DENND3: variants seen among roughly 807,000 people sequenced by gnomAD.
DENND3 encodes DENN domain containing 3.
A neutral mutation model predicts 135.1 loss-of-function variants in DENND3; 88 were observed. The ratio of observed to expected loss-of-function variants is 0.65; its 90% CI spans 0.55 to 0.78. The LOEUF (loss-of-function observed/expected upper bound fraction) is 0.78. Among genes scored for constraint, DENND3 ranks in the 30% least tolerant of loss-of-function variants. DENND3 has a pLI of 0.00. For missense variants in DENND3, 1,392 were observed against 1,688.4 expected (o/e 0.82, Z 3.08); for synonymous variants, 693 against 712.3 (o/e 0.97, Z 0.43).
chr8:141,157,581 G>C, intron 8 of DENND3: 1 of 985,884 alleles, frequency 1.0e-6, no homozygotes, highest in Non-Finnish European at 1.2e-6. Flanking sequence ...CTGGATTTCA[G>C]TCAGCCATCA....
At chr8:141,129,349 G>A (rs1354770401) in intron 1 of DENND3, among the ~76,000 whole-genome samples, 1 of 152,104 alleles carries the variant, frequency 6.6e-6, no homozygotes, top group Non-Finnish European at 1.5e-5. Flanking sequence ...GTTAGCCGCC[G>A]GCCTCGCGTA....
rs745822061 is a variant in DENND3, at chr8:141,144,482, G to A, written c.735+223G>A. On this transcript the variant is annotated intron_variant, in intron 5 of 22. Coordinates refer to ENST00000519811, the MANE Select transcript of DENND3 (RefSeq NM_001352890.3). The surrounding 1 kb of genome is among the most constrained non-coding windows in gnomAD (Gnocchi z 4.4). ...AACAGAATGACTGGCCAGAATGGAAGGGAGGTCAGACACGCCTGGTTATAC... is the reference window on the plus strand; with the variant it reads ...AACAGAATGACTGGCCAGAATGGAAAGGAGGTCAGACACGCCTGGTTATAC... Among the ~76,000 whole-genome samples the A allele has an allele frequency of 5.9e-5, 9 of 152,236 alleles. No individual in the cohort carries two copies. Among genetic ancestry groups the A allele is most frequent in the Middle Eastern group, 3.4e-3 (1 of 294 alleles).
At position 141,175,468 on chromosome 8, in the gene DENND3, A is replaced by G. The variant is rs745373299; in HGVS notation, c.2535+9A>G. On this transcript the variant is annotated intron_variant, in intron 14 of 22. Coordinates refer to ENST00000519811, the MANE Select transcript of DENND3 (RefSeq NM_001352890.3). The surrounding 1 kb of genome is among the most constrained non-coding windows in gnomAD (Gnocchi z 5.4). ...CCTTCAGAAATATAGAGGTAAGGAC[A>G]GCACAGGCAGACGGCGCCAGACCCC... 5 of 1,614,186 alleles carry G rather than the reference A, an allele frequency of 3.1e-6. No individual in the cohort carries two copies. The African/African-American group carries it at 5.3e-5, about 17-fold the overall frequency.
At position 141,194,843 on chromosome 8, in the gene DENND3, C is replaced by A. The variant is rs1287360916; in HGVS notation, c.*610C>A. The A allele has an allele frequency of 3.4e-5, 5 of 148,906 alleles. No individual in the cohort carries two copies. Among genetic ancestry groups the A allele is most frequent in the African/African-American group, 1.3e-4 (5 of 39,678 alleles). The allele number at this position is 148,906 out of a possible 1,614,324, so 9.2% of individuals were successfully genotyped here. A position where few individuals can be genotyped will look rare whatever the true frequency, so the allele number is the denominator to read the frequency against. On this transcript the variant is annotated 3_prime_UTR_variant, in exon 23 of 23. Coordinates refer to ENST00000519811, the MANE Select transcript of DENND3 (RefSeq NM_001352890.3). ...CAGGTGTTTGCGACAGGGGTTGGGCCAGCTGAGGCAAGCTGTCTTTTTTCC... is the reference window on the plus strand; with the variant it reads ...CAGGTGTTTGCGACAGGGGTTGGGCAAGCTGAGGCAAGCTGTCTTTTTTCC...
rs73362490 is a variant in DENND3, at chr8:141,181,356, C to T, written c.2944+502C>T. ...TGGCACTTTCTAAAGCACTCTTGCT[C>T]ACATCGTTTCCGCAGAAGCTCTTAA... On this transcript the variant is annotated intron_variant, in intron 17 of 22. Coordinates refer to ENST00000519811, the MANE Select transcript of DENND3 (RefSeq NM_001352890.3). Among the ~76,000 whole-genome samples, 829 of 152,342 alleles carry T rather than the reference C, an allele frequency of 5.4e-3. 6 individuals carry two copies. Among genetic ancestry groups the T allele is most frequent in the African/African-American group, 0.019 (801 of 41,580 alleles).
rs772037874 is a variant in DENND3 at position 141,136,538 on chromosome 8, T to A, written c.132T>A (p.Leu44=). The change falls in exon 2 of 23, where the codon CTT becomes CTA. Residue 44 remains leucine (L), a synonymous_variant. Transcript: ENST00000519811. ...CTTATAAAAAGGGAGTCAAACATCT[T>A]TCTGCTCTTCTTGATCCAGAGGTCC... ...QVAYKKGVKH[L]SALLDPEVLS... is the part of the protein sequence containing the mutation. 7.7e-6 allele frequency: 12 copies of A among 1,551,360 alleles called. No individual in the cohort carries two copies. In the African/African-American group the frequency reaches 1.6e-4, roughly 21 times the overall value.
At chr8:141,185,390 C>A in intron 18 of DENND3, 112 bp downstream of exon 18, 1 of 1,409,954 alleles carries the variant, frequency 7.1e-7, no homozygotes, top group South Asian at 1.5e-5. Context: ...CAGCCTCACT[C>A]GGTTTCTGTA....
chr8:141,141,523 C>A lies in DENND3; in HGVS notation c.623+199C>A. 1.8e-6 allele frequency: 1 copy of A among 563,476 alleles called. No homozygotes were observed. The allele number at this position is 563,476 out of a possible 1,614,324, so 34.9% of individuals were successfully genotyped here. On this transcript the variant is annotated intron_variant, in intron 4 of 22. Transcript: ENST00000519811. The surrounding 1 kb of genome is among the most constrained non-coding windows in gnomAD (Gnocchi z 5.3). ...TTAGGCTGTTGCTTAAGGCTGGGGG[C>A]AGTGGGCAGGGGGTGTGGCAGCGGG...
chr8:141,143,817 G>T, intron 4 of DENND3: 1 of 214,542 alleles, frequency 4.7e-6, no homozygotes, highest in Non-Finnish European at 9.2e-6. Context: ...CCTTACCGAG[G>T]TAAAACACAC....
intron 8 of DENND3, among the ~76,000 whole-genome samples, chr8:141,159,379 TG>T (rs1253020514): frequency 6.6e-6 from 1 of 152,194 alleles, no homozygotes; most frequent in Non-Finnish European, 1.5e-5. Flanking sequence ...CCTACCATGC[TG>T]GGCCGCACTG....
intron 1 of DENND3, among the ~76,000 whole-genome samples, chr8:141,135,667 T>C (rs766451754): frequency 2.0e-5 from 3 of 152,210 alleles, no homozygotes; most frequent in Non-Finnish European, 2.9e-5. Flanking sequence ...TGTTTTGTCC[T>C]AGCTCTGTAC....
Position 141,145,826 on chromosome 8 carries a change from TATATATATA to T in DENND3, c.735+1568_735+1576del, listed in dbSNP as rs1817990329. ...TATTATATATATATATATATATATA[TATATATATA>T]TATATATATATATATGTATTTTTTT... On this transcript the variant is annotated intron_variant, in intron 5 of 22. Transcript: ENST00000519811. Among the ~76,000 whole-genome samples the T allele has an allele frequency of 1.3e-3, 79 of 60,142 alleles. 7 individuals carry two copies. The highest frequency in any genetic ancestry group is 5.0e-3 in the African/African-American group (75 of 15,024). The allele number at this position is 60,142 out of a possible 152,430, so 39.5% of individuals were successfully genotyped here.
Position 141,136,717 on chromosome 8 carries a change from G to C in DENND3, c.311G>C (p.Arg104Thr). ...TGGAAGGGCCTCCCGGGGCCCCCCA[G>C]AGCGCCAGAGCCTGAGGATGTCGCC... ...EQWKGLPGPP[R>T]APEPEDVAVP... The change falls in exon 2 of 23, where the codon AGA (arginine) becomes ACA (threonine). Residue 104 changes from arginine (R) to threonine (T), a missense_variant. Transcript: ENST00000519811. 1 of 1,610,784 alleles carries C rather than the reference G, an allele frequency of 6.2e-7. No individual in the cohort carries two copies.
intron 5 of DENND3, among the ~76,000 whole-genome samples, chr8:141,148,843 C>T (rs974226912): frequency 6.6e-6 from 1 of 151,682 alleles, no homozygotes; most frequent in African/African-American, 2.4e-5. Flanking sequence ...AATACTGTGC[C>T]ACAACTTGGA....
At chr8:141,189,746 G>A (rs932915455) in intron 19 of DENND3, among the ~76,000 whole-genome samples, 6 of 152,224 alleles carry the variant, frequency 3.9e-5, no homozygotes, top group African/African-American at 9.6e-5. Flanking sequence ...CCCTGTTGGG[G>A]TGGGTAGGGA....
rs1277178842 is a variant in DENND3 at position 141,151,612 on chromosome 8, C to T, written c.856-7C>T. ...CATGTACTCAGTGCGGCGGGTTCTC[C>T]CCTCAGATCCTGACATGCATCCTGA... On this transcript the variant is annotated splice_region_variant and splice_polypyrimidine_tract_variant and intron_variant, in intron 6 of 22. Transcript: ENST00000519811. The T allele has an allele frequency of 2.2e-5, 35 of 1,613,562 alleles. No individual in the cohort carries two copies. The highest frequency in any genetic ancestry group is 2.8e-5 in the Non-Finnish European group (33 of 1,179,722).
intron 7 of DENND3, among the ~76,000 whole-genome samples, chr8:141,155,341 C>G (rs996557225): frequency 2.6e-5 from 4 of 152,110 alleles, no homozygotes; most frequent in African/African-American, 9.7e-5. Context: ...TAACATAGCT[C>G]ATGATATATA....
At chr8:141,129,649 G>A (rs748216595) in intron 1 of DENND3, 24 of 152,238 alleles carry the variant, frequency 1.6e-4, no homozygotes, top group Middle Eastern at 3.2e-3. Context: ...TAGAGATCCC[G>A]GCGTCACTGG....
At chr8:141,158,629 G>C (rs377629313) in intron 8 of DENND3, among the ~76,000 whole-genome samples, 27 of 152,322 alleles carry the variant, frequency 1.8e-4, no homozygotes, top group African/African-American at 6.5e-4. Flanking sequence ...TGTCGTTGGG[G>C]TGCCTGCTCA....
Sources: allele counts gnomAD v4.1 joint callset (sites outside exome capture counted in the v4.1 genomes callset), GRCh38; gene constraint gnomAD v4.1.1; non-coding constraint Gnocchi (gnomAD v3.1); transcripts MANE v1.5; gene names NCBI Gene and HGNC (gene_info 2026-07-23, HGNC 2026-07-21).